Variants in NELL2 observed in about 807,000 individuals in gnomAD.
The protein encoded by NELL2 is protein kinase C-binding protein NELL2.
A neutral mutation model predicts 109.6 loss-of-function variants in NELL2; 41 were observed. The observed-to-expected ratio is 0.37, with a 90% CI of 0.29 to 0.49. The LOEUF (loss-of-function observed/expected upper bound fraction) is 0.49. Among genes scored for constraint, NELL2 ranks in the 20% least tolerant of loss-of-function variants. NELL2 has a pLI of 0.98. For missense variants in NELL2, 900 were observed against 1,008.3 expected (o/e 0.89, Z 1.45); for synonymous variants, 355 against 344.7 (o/e 1.03, Z -0.33).
At position 44,808,749 on chromosome 12, in the gene NELL2, A is replaced by G. The variant is rs141895595; in HGVS notation, c.335+7237T>C. Among the ~76,000 whole-genome samples, 715 of 152,144 alleles carry G rather than the reference A, an allele frequency of 4.7e-3. 10 individuals carry two copies. Among genetic ancestry groups the G allele is most frequent in the African/African-American group, 0.014 (592 of 41,546 alleles). Reference sequence around the variant, plus strand: ...GTTTAATTTTTACTTACTAATGTCAAGAAAGAAAAATGGCTTAATACATGA... The same window carrying G: ...GTTTAATTTTTACTTACTAATGTCAGGAAAGAAAAATGGCTTAATACATGA... On this transcript the variant is annotated intron_variant, in intron 3 of 19. Transcript: ENST00000429094.
chr12:44,739,029 C>T (rs1316145269), intron 9 of NELL2, among the ~76,000 whole-genome samples: 2 of 152,152 alleles, frequency 1.3e-5, no homozygotes, highest in South Asian at 2.1e-4. Context: ...ATTTCCTCCA[C>T]CACCATTCAC....
chr12:44,807,539 C>A (rs1943043655), intron 3 of NELL2, among the ~76,000 whole-genome samples: 1 of 151,546 alleles, frequency 6.6e-6, no homozygotes, highest in Admixed American at 6.6e-5. Flanking sequence ...TAAAAAATGG[C>A]AAAAGGGAAA....
At chr12:44,715,718 C>A (rs1260028035) in intron 9 of NELL2, among the ~76,000 whole-genome samples, 1 of 152,034 alleles carries the variant, frequency 6.6e-6, no homozygotes, top group East Asian at 1.9e-4. Flanking sequence ...TTTCAAAGAC[C>A]AGTGGAAGTG....
chr12:44,783,361 A>G (rs1301068612), intron 3 of NELL2, among the ~76,000 whole-genome samples: 2 of 151,804 alleles, frequency 1.3e-5, no homozygotes, highest in Non-Finnish European at 2.9e-5. Context: ...ATCAAGTAGA[A>G]GTAAGGAATT....
rs567323237 is a variant in NELL2, at chr12:44,908,109, G to C, written c.38+5690C>G. ...GGAAAATGTATGAAATGGACATCTA[G>C]AAGTATGGAAATGTGTGTGGCATGG... On this transcript the variant is annotated intron_variant, in intron 1 of 20. Transcript: ENST00000333837. 1.2e-3 allele frequency among the ~76,000 whole-genome samples: 190 copies of C among 152,120 alleles called. 1 individual carries two copies. The highest frequency in any genetic ancestry group is 4.3e-3 in the African/African-American group (177 of 41,538).
At chr12:44,840,661 T>C (rs1045074574) in intron 2 of NELL2, among the ~76,000 whole-genome samples, 19 of 150,606 alleles carry the variant, frequency 1.3e-4, no homozygotes, top group African/African-American at 4.1e-4. Flanking sequence ...CCATAATATA[T>C]GCTGTATTGA....
Position 44,640,500 on chromosome 12 carries a change from C to A in NELL2, c.1444+24984G>T, listed in dbSNP as rs554141686. 1.6e-3 allele frequency among the ~76,000 whole-genome samples: 244 copies of A among 152,216 alleles called. 1 individual carries two copies. The highest frequency in any genetic ancestry group is 6.8e-3 in the Middle Eastern group (2 of 294). ...ATTTTTCTCTAGTTTTAATAAACAACCATACTAACAACTCAAAAATTTTAA... is the reference window on the plus strand; with the variant it reads ...ATTTTTCTCTAGTTTTAATAAACAAACATACTAACAACTCAAAAATTTTAA... On this transcript the variant is annotated intron_variant, in intron 13 of 19. Transcript: ENST00000429094.
intron 3 of NELL2, among the ~76,000 whole-genome samples, chr12:44,780,738 A>T (rs2136600885): frequency 6.6e-6 from 1 of 152,208 alleles, no homozygotes; most frequent in Non-Finnish European, 1.5e-5. Context: ...TCCAGCAGTA[A>T]TGAAACCACC....
intron 18 of NELL2, among the ~76,000 whole-genome samples, chr12:44,520,520 C>T (rs951305174): frequency 6.6e-6 from 1 of 152,082 alleles, no homozygotes; most frequent in African/African-American, 2.4e-5. Flanking sequence ...AATGTGCATG[C>T]CCCTATCTTT....
intron 2 of NELL2, among the ~76,000 whole-genome samples, chr12:44,873,102 A>T (rs1185061320): frequency 6.6e-6 from 1 of 152,224 alleles, no homozygotes; most frequent in Non-Finnish European, 1.5e-5. Context: ...TACATCAGTA[A>T]TATATGCCTA....
At chr12:44,834,859 A>G (rs74356297) in intron 2 of NELL2, among the ~76,000 whole-genome samples, 1 of 152,164 alleles carries the variant, frequency 6.6e-6, no homozygotes, top group African/African-American at 2.4e-5. Flanking sequence ...CAGGAGAGCA[A>G]CAGGGCTGGA....
intron 1 of NELL2, among the ~76,000 whole-genome samples, chr12:44,899,076 A>C (rs966667486): frequency 7.2e-5 from 11 of 152,086 alleles, no homozygotes; most frequent in Middle Eastern, 3.4e-3. Context: ...TGAAAAAAAA[A>C]CAAAAAAAAC....
At chr12:44,510,294 T>G (rs186916313) in intron 19 of NELL2, among the ~76,000 whole-genome samples, 1 of 152,262 alleles carries the variant, frequency 6.6e-6, no homozygotes, top group Admixed American at 6.5e-5. Context: ...GGATTCCTAT[T>G]AATAGTCACA....
upstream of NELL2, among the ~76,000 whole-genome samples, chr12:44,916,121 T>G (rs75163545): frequency 0.01 from 1,599 of 152,290 alleles, 31 homozygotes; most frequent in East Asian, 0.048. Context: ...GCCTACATAA[T>G]TTAACAAGTA....
chr12:44,711,831 C>G (rs60346357), intron 10 of NELL2, among the ~76,000 whole-genome samples: 4,283 of 152,086 alleles, frequency 0.028, 187 homozygotes, highest in African/African-American at 0.095. Context: ...GAGATTCTCA[C>G]AGATGATTCT....
intron 9 of NELL2, among the ~76,000 whole-genome samples, chr12:44,718,988 G>A (rs776831525): frequency 6.6e-6 from 1 of 151,960 alleles, no homozygotes; most frequent in Non-Finnish European, 1.5e-5. Flanking sequence ...AAATTCAATA[G>A]GACAATATAA....
At chr12:44,537,583 T>A (rs1942353275) in intron 15 of NELL2, among the ~76,000 whole-genome samples, 1 of 152,140 alleles carries the variant, frequency 6.6e-6, no homozygotes. Flanking sequence ...TCTATCTATA[T>A]CATCATTACA....
intron 19 of NELL2, among the ~76,000 whole-genome samples, chr12:44,516,465 T>A (rs918712859): frequency 6.6e-6 from 1 of 152,218 alleles, no homozygotes; most frequent in African/African-American, 2.4e-5. Context: ...TTCCAGTATA[T>A]CTCTGTCAGC....
chr12:44,564,546 G>A (rs1290675124), intron 15 of NELL2, among the ~76,000 whole-genome samples: 1 of 152,000 alleles, frequency 6.6e-6, no homozygotes, highest in Non-Finnish European at 1.5e-5. Context: ...AGGCCCTGAG[G>A]GCATAAAGAT....
Sources: gnomAD v4.1 joint callset for allele counts (sites outside exome capture counted in the v4.1 genomes callset) on GRCh38, gnomAD v4.1.1 for gene constraint, MANE v1.5 for transcripts, NCBI Gene and HGNC (gene_info 2026-07-23, HGNC 2026-07-21) for gene names.